Variants in HLA-F observed in about 807,000 individuals in gnomAD.
HLA-F encodes major histocompatibility complex, class I, F.
HLA-F carries 46 observed loss-of-function variants against 49.5 expected under a neutral mutation model. That is an observed-to-expected ratio of 0.93 (90% CI 0.73 to 1.19). HLA-F has a LOEUF of 1.19. HLA-F is among the 50% of genes most tolerant of loss of function. HLA-F has a pLI of 0.00. For synonymous variants in HLA-F, 203 were observed against 233.5 expected (o/e 0.87, Z 1.19); for missense variants, 496 against 579.6 (o/e 0.86, Z 1.48).
chr6:29,734,504 G>C (rs575129020), intron 3 of HLA-F, among the ~76,000 whole-genome samples: 2 of 152,262 alleles, frequency 1.3e-5, no homozygotes, highest in South Asian at 2.1e-4. Context: ...GTGAAGAAAG[G>C]CTTTCTACTT....
chr6:29,730,648 A>C (rs1776492603), downstream of HLA-F, among the ~76,000 whole-genome samples: 1 of 152,060 alleles, frequency 6.6e-6, no homozygotes, highest in African/African-American at 2.4e-5. Context: ...CCTCTCAAGA[A>C]CTGTAAACCA....
chr6:29,736,622 A>AC (rs1777123193), intron 3 of HLA-F: 9 of 330,440 alleles, frequency 2.7e-5, no homozygotes, highest in Non-Finnish European at 5.3e-5. Flanking sequence ...AGGAAACACC[A>AC]TTGGGTTCTA....
chr6:29,725,110 C>T lies in HLA-F; in HGVS notation c.690C>T (p.Tyr230=), dbSNP rs781110532. ...TGAGGTGCTGGGCCCTGGGCTTCTA[C>T]CCTGCGGAGATCACGCTGACCTGGC... The part of the protein sequence containing the change: ...ATLRCWALGF[Y]PAEITLTWQR... The change falls in exon 4 of 7, where the codon TAC becomes TAT. Residue 230 remains tyrosine, a synonymous_variant. Coordinates refer to ENST00000259951, the MANE Select transcript of HLA-F (RefSeq NM_001098479.2). 1.9e-6 allele frequency: 3 copies of T among 1,614,088 alleles called. No individual in the cohort carries two copies. Among genetic ancestry groups the T allele is most frequent in the Admixed American group, 1.7e-5 (1 of 60,020 alleles).
At chr6:29,736,493 T>C (rs1414249038) in intron 3 of HLA-F, 1 of 428,668 alleles carries the variant, frequency 2.3e-6, no homozygotes, top group Non-Finnish European at 4.6e-6. Flanking sequence ...AATGTATACT[T>C]GAATGAAGGA....
intron 3 of HLA-F, among the ~76,000 whole-genome samples, chr6:29,734,012 T>C (rs1776843334): frequency 6.6e-6 from 1 of 152,206 alleles, no homozygotes. Context: ...CCTTGAGAAT[T>C]AGGAGACACT....
At chr6:29,736,935 G>T (rs1777152956) in intron 3 of HLA-F, 1 of 152,228 alleles carries the variant, frequency 6.6e-6, no homozygotes, top group South Asian at 2.1e-4. Flanking sequence ...ATAACAAAAA[G>T]TGGAATTGCT....
chr6:29,724,143 T>G (rs1775714507), intron 2 of HLA-F, 30 bp from the exon 3 acceptor site: 1 of 1,611,694 alleles, frequency 6.2e-7, no homozygotes. Context: ...CGGGGCTAGC[T>G]GGGCGGGGCT....
intron 5 of HLA-F, 69 bp from the exon 6 acceptor site, chr6:29,725,942 G>GGGGTTT: frequency 6.6e-7 from 1 of 1,523,228 alleles, no homozygotes; most frequent in Non-Finnish European, 9.1e-7. Context: ...TCAAAGACTA[G>GGGGTTT]GGGTTTGCTC....
intron 6 of HLA-F, chr6:29,726,434 A>G: frequency 6.2e-7 from 1 of 1,611,510 alleles, no homozygotes; most frequent in Non-Finnish European, 8.5e-7. Context: ...GGGACTGAGA[A>G]GCAAGATATC....
chr6:29,726,410 C>G, intron 6 of HLA-F: 1 of 1,611,858 alleles, frequency 6.2e-7, no homozygotes, highest in Non-Finnish European at 8.5e-7. Flanking sequence ...TAGTGTGAGA[C>G]AGCTTCCTTG....
At chr6:29,732,515 G>A (rs1776714679) in intron 3 of HLA-F, among the ~76,000 whole-genome samples, 2 of 151,956 alleles carry the variant, frequency 1.3e-5, no homozygotes, top group Non-Finnish European at 2.9e-5. Flanking sequence ...CAGTGATCTC[G>A]GCTCACTGCA....
downstream of HLA-F, chr6:29,728,927 G>C (rs1048392703): frequency 6.6e-6 from 1 of 152,112 alleles, no homozygotes; most frequent in Non-Finnish European, 1.5e-5. Context: ...GATTCCTGAG[G>C]TTTATTTTAC....
At position 29,724,324 on chromosome 6, in the gene HLA-F, G is replaced by A. The variant is rs1374078514; in HGVS notation, c.486G>A (p.Gln162=). 5 of 1,613,136 alleles carry A rather than the reference G, an allele frequency of 3.1e-6. No homozygotes were observed. The African/African-American group carries it at 6.7e-5, about 22-fold the overall frequency. Residue 162 remains glutamine (Q), a synonymous_variant, in exon 3 of 7, where the codon CAG becomes CAA. Coordinates refer to ENST00000259951, the MANE Select transcript of HLA-F (RefSeq NM_001098479.2). ...GGACCGCGGCGGACACCGTGGCTCA[G>A]ATCACCCAGCGCTTCTATGAGGCAG... ...RSWTAADTVA[Q]ITQRFYEAEE...
downstream of HLA-F, among the ~76,000 whole-genome samples, chr6:29,729,885 C>G (rs998674805): frequency 1.3e-5 from 2 of 152,188 alleles, no homozygotes; most frequent in Non-Finnish European, 2.9e-5. Flanking sequence ...GCAATAGGCA[C>G]ATGAAAATAT....
chr6:29,732,983 T>C (rs780534526), intron 3 of HLA-F, among the ~76,000 whole-genome samples: 1 of 151,334 alleles, frequency 6.6e-6, no homozygotes, highest in Non-Finnish European at 1.5e-5. Context: ...AGGTCGGGAG[T>C]TCGAGACCAG....
rs745643945 is a variant in HLA-F at position 29,726,044 on chromosome 6, G to A, written c.1036+1G>A. The stretch of plus-strand genomic sequence containing the variant: ...AGAGGGAGCTACTCTCAGGCTGCAG[G>A]TAAGATGAAGGAGGCTGATCCCTGA... On this transcript the variant is annotated splice_donor_variant, in intron 6 of 6. Transcript: ENST00000259951. LOFTEE classifies it high-confidence loss of function. The A allele has an allele frequency of 3.7e-6, 6 of 1,613,770 alleles. No individual in the cohort carries two copies. The highest frequency in any genetic ancestry group is 5.1e-6 in the Non-Finnish European group (6 of 1,179,636).
intron 2 of HLA-F, 55 bp downstream of exon 2, chr6:29,723,982 C>T: frequency 2.6e-6 from 4 of 1,559,412 alleles, no homozygotes; most frequent in Non-Finnish European, 3.5e-6. Flanking sequence ...CCGCCACGGA[C>T]CGCCCGGGTC....
intron 6 of HLA-F, 178 bp downstream of exon 6, chr6:29,726,221 A>G: frequency 1.1e-6 from 1 of 937,082 alleles, no homozygotes; most frequent in African/African-American, 1.6e-5. Flanking sequence ...CTCACAGCTA[A>G]TAAAGGTGAC....
intron 2 of HLA-F, 112 bp from the exon 3 acceptor site, chr6:29,724,061 A>T: frequency 6.5e-7 from 1 of 1,548,342 alleles, no homozygotes; most frequent in Non-Finnish European, 8.7e-7. Context: ...CACCCGGGAG[A>T]GTCCCAGGCG....
Sources: gnomAD v4.1 joint callset for allele counts (sites outside exome capture counted in the v4.1 genomes callset) on GRCh38, gnomAD v4.1.1 for gene constraint, MANE v1.5 for transcripts, NCBI Gene and HGNC (gene_info 2026-07-23, HGNC 2026-07-21) for gene names.